The following MX1 variants were observed in gnomAD, a reference collection of about 807,000 sequenced individuals.
The protein encoded by MX1 is MX dynamin like GTPase 1, also known as interferon-induced GTP-binding protein Mx1.
Under a neutral mutation model 66.4 loss-of-function variants are expected in MX1, and 66 were observed. The ratio of observed to expected loss-of-function variants is 0.99; its 90% confidence interval spans 0.82 to 1.22. The LOEUF is 1.22. Among genes scored for constraint, MX1 ranks in the 50% most tolerant of loss-of-function variants. The pLI, the probability that MX1 is intolerant of heterozygous loss-of-function variation, is 0.00. For missense variants in MX1, 787 were observed against 834.3 expected, an observed-to-expected ratio of 0.94 and a Z score of 0.70; for synonymous variants, 311 against 318.1, an observed-to-expected ratio of 0.98 and a Z score of 0.24.
chr21:41,441,774 G>C lies in MX1; in HGVS notation c.789G>C (p.Val263=). The change falls in exon 10 of 17, where the codon GTG becomes GTC. Residue 263 remains valine, a synonymous_variant. Transcript: ENST00000398598. This position sits in a 1 kb window ranked among gnomAD's most constrained non-coding sequence, Gnocchi z 4.0. The part of the protein sequence containing the change: ...DKGTEDKVVD[V]VRNLVFHLKK... ...GAACTGAAGACAAGGTTGTGGACGT[G>C]GTGCGGAACCTCGTGTTCCACCTGA... 1 of 1,614,178 alleles carries C rather than the reference G, an allele frequency of 6.2e-7. No homozygotes were observed. The highest frequency in any genetic ancestry group is 8.5e-7 in the Non-Finnish European group (1 of 1,180,030).
chr21:41,452,899 C>T, intron 16 of MX1, 30 bp downstream of exon 16: 1 of 1,606,994 alleles, frequency 6.2e-7, no homozygotes, highest in Non-Finnish European at 8.5e-7. Context: ...AGGATGCCAG[C>T]TTCCATTCTT....
Position 41,452,987 on chromosome 21 carries a change from C to T in MX1, c.1758+118C>T, listed in dbSNP as rs372570129. On this transcript the variant is annotated intron_variant, in intron 16 of 16. Coordinates refer to ENST00000398598, the MANE Select transcript of MX1 (RefSeq NM_002462.5). Reference sequence around the variant, plus strand: ...GTTGGTCAGCTCTGTCGTTTACCTCCTTGTTAGCCTCCTGTATTAGTCCAT... The same window carrying T: ...GTTGGTCAGCTCTGTCGTTTACCTCTTTGTTAGCCTCCTGTATTAGTCCAT... The T allele has an allele frequency of 6.0e-6, 7 of 1,158,336 alleles. No homozygotes were observed. The East Asian group carries it at 1.2e-4, about 19-fold the overall frequency. The allele number at this position is 1,158,336 out of a possible 1,614,324, so 71.8% of individuals were successfully genotyped here.
intron 16 of MX1, among the ~76,000 whole-genome samples, chr21:41,454,962 A>G (rs1348217213): frequency 6.7e-6 from 1 of 150,000 alleles, no homozygotes; most frequent in African/African-American, 2.5e-5. Context: ...GCTGGAGTGC[A>G]GTGGCACAAT....
At chr21:41,422,568 G>A (rs1408386825), upstream of MX1, among the ~76,000 whole-genome samples, 2 of 152,134 alleles carry the variant, frequency 1.3e-5, no homozygotes, top group Non-Finnish European at 2.9e-5. Context: ...TGGCAATGGG[G>A]TAACTGAGAC....
intron 16 of MX1, among the ~76,000 whole-genome samples, chr21:41,455,897 G>C (rs1331169882): frequency 6.6e-6 from 1 of 152,204 alleles, no homozygotes; most frequent in Non-Finnish European, 1.5e-5. Context: ...TGAGATTCCT[G>C]GTATATTAGG....
chr21:41,451,128 A>G, intron 14 of MX1, 39 bp from the exon 15 acceptor site: 1 of 1,368,488 alleles, frequency 7.3e-7, no homozygotes, highest in Non-Finnish European at 1.0e-6. Context: ...AGAACAAATG[A>G]TCCTACCAAT....
At chr21:41,436,069 A>G (rs375319848) in intron 6 of MX1, 40 bp downstream of exon 6, 28 of 1,597,642 alleles carry the variant, frequency 1.8e-5, no homozygotes, top group Non-Finnish European at 2.1e-5. Flanking sequence ...TCAGGCTGCC[A>G]TAACAAAATA....
chr21:41,442,028 TGTGTGTGTGTGCGC>T, intron 10 of MX1, 114 bp downstream of exon 10: 1 of 865,798 alleles, frequency 1.2e-6, no homozygotes, highest in Non-Finnish European at 1.8e-6. Context: ...TGTGTGTGCG[TGTGTGTGTGTGCGC>T]GTGTGTGTGT....
At chr21:41,435,780 C>T in intron 5 of MX1, 57 bp from the exon 6 acceptor site, 1 of 1,561,464 alleles carries the variant, frequency 6.4e-7, no homozygotes, top group Non-Finnish European at 8.7e-7. Context: ...AGAACCAAAC[C>T]ATATCATGAG....
At chr21:41,456,881 C>A (rs1255201967) in intron 16 of MX1, among the ~76,000 whole-genome samples, 2 of 152,166 alleles carry the variant, frequency 1.3e-5, no homozygotes, top group African/African-American at 4.8e-5. Flanking sequence ...CCTGCCTCAG[C>A]CTCCTGAGTA....
intron 13 of MX1, among the ~76,000 whole-genome samples, chr21:41,447,005 T>C (rs364143): frequency 7.2e-5 from 11 of 152,048 alleles, no homozygotes; most frequent in South Asian, 2.1e-4. Context: ...CACTGATGAA[T>C]TGATAAACCA....
At chr21:41,446,378 G>C (rs1025072970) in intron 13 of MX1, among the ~76,000 whole-genome samples, 8 of 152,092 alleles carry the variant, frequency 5.3e-5, no homozygotes, top group African/African-American at 1.7e-4. Flanking sequence ...TTTTTTACAG[G>C]GGTACCACAG....
In MX1 at chr21:41,449,154, A is replaced by G. The variant is rs200057706; in HGVS notation, c.1291A>G (p.Arg431Gly). 23 of 1,611,436 alleles carry G rather than the reference A, an allele frequency of 1.4e-5. No individual in the cohort carries two copies. Among genetic ancestry groups the G allele is most frequent in the Admixed American group, 8.4e-5 (5 of 59,398 alleles). Reference protein sequence around the residue: ...NFQEGHKILSRKIQKFENQYR... With the variant: ...NFQEGHKILSGKIQKFENQYR... ...TGCTATAGGCCATAAAATTTTGAGT[A>G]GAAAAATCCAGAAATTTGAAAATCA... Residue 431 changes from arginine to glycine, a missense_variant, in exon 14 of 17, where the codon AGA becomes GGA. Arg to Gly is a moderately radical substitution (Grantham distance 125, BLOSUM62 -2). Transcript: ENST00000398598.
At chr21:41,420,683 G>C (rs992143366) in exon 1 of MX1, 3 of 152,322 alleles carry the variant, frequency 2.0e-5, no homozygotes, top group African/African-American at 7.2e-5. Context: ...CCGGCCTTCC[G>C]ATTCCCCATT....
At chr21:41,445,670 A>G in intron 12 of MX1, 100 bp downstream of exon 12, 3 of 1,502,554 alleles carry the variant, frequency 2.0e-6, no homozygotes, top group Non-Finnish European at 2.7e-6. Flanking sequence ...CCCAAGGCTG[A>G]TCCAAAGACA....
chr21:41,423,243 C>T (rs73370202), upstream of MX1: 2,167 of 152,452 alleles, frequency 0.014, 46 homozygotes, highest in African/African-American at 0.05. Flanking sequence ...TCTGTGATGG[C>T]GGCAAACAAC....
intron 6 of MX1, 46 bp downstream of exon 6, chr21:41,436,075 A>G: frequency 6.3e-7 from 1 of 1,594,756 alleles, no homozygotes; most frequent in South Asian, 1.1e-5. Context: ...TGCCATAACA[A>G]AATACCACAG....
At chr21:41,451,102 T>A in intron 14 of MX1, 65 bp from the exon 15 acceptor site, 1 of 1,082,374 alleles carries the variant, frequency 9.2e-7, no homozygotes, top group Non-Finnish European at 1.4e-6. Context: ...CTCATATTTT[T>A]TTGCATCTTA....
At chr21:41,453,000 T>G in intron 16 of MX1, 131 bp downstream of exon 16, 1 of 1,033,032 alleles carries the variant, frequency 9.7e-7, no homozygotes, top group Non-Finnish European at 1.4e-6. Context: ...GTTAGCCTCC[T>G]GTATTAGTCC....
Sources: allele counts gnomAD v4.1 joint callset (sites outside exome capture counted in the v4.1 genomes callset), GRCh38; gene constraint gnomAD v4.1.1; non-coding constraint Gnocchi (gnomAD v3.1); transcripts MANE v1.5; gene names NCBI Gene and HGNC (gene_info 2026-07-23, HGNC 2026-07-21).